Variants in PHF6 observed in about 807,000 individuals in gnomAD.
The protein encoded by PHF6 is PHD-like zinc finger protein.
Under a neutral mutation model 34.0 loss-of-function variants are expected in PHF6, and 7 were observed. The observed-to-expected ratio is 0.21, with a 90% CI of 0.12 to 0.39. The LOEUF (loss-of-function observed/expected upper bound fraction) is 0.39. Among genes scored for constraint, PHF6 ranks in the 10% least tolerant of loss-of-function variants. The pLI is 1.00. For missense variants in PHF6, 128 were observed against 262.8 expected, an observed-to-expected ratio of 0.49 and a Z score of 3.55; for synonymous variants, 89 against 88.4, an observed-to-expected ratio of 1.01 and a Z score of -0.04.
At chrX:134,386,408 C>T (rs1171360790) in intron 3 of PHF6, among the ~76,000 whole-genome samples, 1 of 90,135 alleles carries the variant, frequency 1.1e-5, no homozygotes, top group African/African-American at 4.6e-5. Context: ...AAAAGGTTCC[C>T]AGATGATTTT....
At chrX:134,375,013 C>G (rs965326413) in intron 1 of PHF6, among the ~76,000 whole-genome samples, 10 of 111,662 alleles carry the variant, frequency 9.0e-5, no homozygotes, top group Non-Finnish European at 1.5e-4. Flanking sequence ...TGCCCTTATT[C>G]TGCTTAAGTA....
intron 5 of PHF6, among the ~76,000 whole-genome samples, chrX:134,404,265 A>G (rs1301223527): frequency 1.8e-5 from 2 of 111,821 alleles, no homozygotes; most frequent in South Asian, 3.7e-4. Flanking sequence ...GTTTATTCCA[A>G]CCCTCACGGA....
At chrX:134,420,528 C>T (rs1484694105) in intron 9 of PHF6, among the ~76,000 whole-genome samples, 1 of 109,340 alleles carries the variant, frequency 9.1e-6, no homozygotes, top group African/African-American at 3.3e-5. Context: ...CTGCCATACC[C>T]CGCCAAACAC....
chrX:134,412,681 A>G (rs2077455876), intron 5 of PHF6, among the ~76,000 whole-genome samples: 1 of 111,941 alleles, frequency 8.9e-6, no homozygotes, highest in Admixed American at 9.6e-5. Context: ...TTTATAGTAA[A>G]CTACTGATGA....
Position 134,378,051 on chromosome X carries a change from TTGG to T in PHF6, c.189_191del (p.Gly64del). 1 of 1,205,569 alleles carries T rather than the reference TTGG, an allele frequency of 8.3e-7. No homozygotes were observed. Among genetic ancestry groups the T allele is most frequent in the Non-Finnish European group, 1.1e-6 (1 of 891,911 alleles). ...TCATCACACTCTGATAATGAAAGTC[TTGG>T]TGGATTTTCTATTGAAGATGTCCAA... On this transcript the variant is annotated inframe_deletion, in exon 3 of 11. Transcript: ENST00000370803.
intron 5 of PHF6, among the ~76,000 whole-genome samples, chrX:134,406,056 T>C (rs1403521980): frequency 1.1e-5 from 1 of 92,821 alleles, no homozygotes; most frequent in African/African-American, 4.0e-5. Context: ...TGCCTGTCCT[T>C]TTTCTTTTTC....
In PHF6 at chrX:134,423,742, T is replaced by C. The variant is rs183387920; in HGVS notation, c.969-1459T>C. On this transcript the variant is annotated intron_variant, in intron 9 of 10. Transcript: ENST00000370803. ...TTCTACTCAAATATTAGACCTAGTT[T>C]AGATAATCTATTTGTAACATGTGAA... Among the ~76,000 whole-genome samples, 18 of 112,008 alleles carry C rather than the reference T, an allele frequency of 1.6e-4. No homozygotes were observed. The East Asian group carries it at 5.0e-3, about 31-fold the overall frequency.
At chrX:134,422,892 C>G (rs1160610721) in intron 9 of PHF6, among the ~76,000 whole-genome samples, 1 of 111,350 alleles carries the variant, frequency 9.0e-6, no homozygotes, top group Non-Finnish European at 1.9e-5. Flanking sequence ...AAAAGTTGCT[C>G]CAACAACAAA....
chrX:134,383,742 C>T (rs1247856225), intron 3 of PHF6, among the ~76,000 whole-genome samples: 1 of 111,518 alleles, frequency 9.0e-6, no homozygotes, highest in Non-Finnish European at 1.9e-5. Flanking sequence ...GTTAAGTAAC[C>T]TGACTGTAGC....
chrX:134,388,218 T>C, intron 3 of PHF6, among the ~76,000 whole-genome samples: 1 of 112,033 alleles, frequency 8.9e-6, no homozygotes, highest in Middle Eastern at 4.7e-3. Flanking sequence ...AGGAGCATTT[T>C]TGGGGCATCT....
intron 2 of PHF6, 38 bp from the exon 3 acceptor site, chrX:134,377,967 A>G (rs1341642563): frequency 3.8e-6 from 4 of 1,040,125 alleles, no homozygotes; most frequent in Non-Finnish European, 4.0e-6. Flanking sequence ...TGATTAATTT[A>G]TATATGAACC....
At chrX:134,384,790 T>G (rs2077324054) in intron 3 of PHF6, among the ~76,000 whole-genome samples, 1 of 109,766 alleles carries the variant, frequency 9.1e-6, no homozygotes, top group Non-Finnish European at 1.9e-5. Context: ...TAGCTGGGAC[T>G]ACAGGCGCCC....
In PHF6 at chrX:134,391,890, A is replaced by G. The variant is rs1311382632; in HGVS notation, c.241-1611A>G. 2.7e-5 allele frequency among the ~76,000 whole-genome samples: 3 copies of G among 111,699 alleles called. No homozygotes were observed. In the East Asian group the frequency reaches 8.4e-4, roughly 31 times the overall value. On this transcript the variant is annotated intron_variant, in intron 3 of 10. Transcript: ENST00000370803. ...AGTTCAAATGCTGTACCTCCTTAAG[A>G]ATTTATAAGCCATCCAAAAGCTTTG...
intron 5 of PHF6, among the ~76,000 whole-genome samples, chrX:134,397,580 CGGA>C (rs2077382849): frequency 9.0e-6 from 1 of 111,533 alleles, no homozygotes; most frequent in South Asian, 3.7e-4. Flanking sequence ...ACCCAGGAGG[CGGA>C]GGTTGCAGTG....
intron 3 of PHF6, among the ~76,000 whole-genome samples, chrX:134,388,679 C>T (rs190470652): frequency 2.5e-4 from 28 of 111,952 alleles, no homozygotes; most frequent in Non-Finnish European, 4.3e-4. Flanking sequence ...TCCAGCTTTT[C>T]CCCAAGAGCC....
intron 5 of PHF6, among the ~76,000 whole-genome samples, chrX:134,408,679 A>G (rs1257585250): frequency 1.8e-5 from 2 of 111,839 alleles, no homozygotes; most frequent in East Asian, 5.6e-4. Flanking sequence ...TCTCTATAAT[A>G]TAGATATTCT....
chrX:134,374,718 C>T (rs2077271270), intron 1 of PHF6, among the ~76,000 whole-genome samples: 1 of 112,555 alleles, frequency 8.9e-6, no homozygotes, highest in Admixed American at 9.4e-5. Context: ...TGCTTCGCAG[C>T]ATCTTGGAAA....
At chrX:134,415,226 G>T (rs369581215) in intron 8 of PHF6, 106 bp downstream of exon 8, 1 of 1,162,311 alleles carries the variant, frequency 8.6e-7, no homozygotes, top group African/African-American at 1.8e-5. Context: ...AAAGTAGTTC[G>T]TATGTTAAAG....
intron 9 of PHF6, among the ~76,000 whole-genome samples, chrX:134,424,744 A>G (rs17000613): frequency 0.027 from 3,022 of 112,037 alleles, 112 homozygotes; most frequent in African/African-American, 0.092. Context: ...ATAATGAAAA[A>G]CCATTTGAAG....
Sources: gnomAD v4.1 joint callset for allele counts (sites outside exome capture counted in the v4.1 genomes callset) on GRCh38, gnomAD v4.1.1 for gene constraint, MANE v1.5 for transcripts, NCBI Gene and HGNC (gene_info 2026-07-23, HGNC 2026-07-21) for gene names.